Variants in DOCK3 observed in about 807,000 individuals in gnomAD.
DOCK3 encodes dedicator of cytokinesis protein 3.
A neutral mutation model predicts 265.6 loss-of-function variants in DOCK3; 60 were observed. That is an observed-to-expected ratio of 0.23 (90% CI 0.18 to 0.28). DOCK3 has a LOEUF of 0.28. Ranked by LOEUF, DOCK3 falls within the 10% of genes least tolerant of loss-of-function variation. The pLI is 1.00. For missense variants in DOCK3, 1,981 were observed against 2,594.3 expected (o/e 0.76, Z 5.14); for synonymous variants, 881 against 938.0 (o/e 0.94, Z 1.11).
intron 27 of DOCK3, among the ~76,000 whole-genome samples, chr3:51,308,030 C>A (rs2082796361): frequency 6.6e-6 from 1 of 151,678 alleles, no homozygotes. Flanking sequence ...AATAACAATT[C>A]TGGGGGGTCA....
At chr3:51,362,128 A>C (rs1576938934) in intron 48 of DOCK3, 131 bp downstream of exon 48, 2 of 1,205,512 alleles carry the variant, frequency 1.7e-6, no homozygotes, top group Non-Finnish European at 2.3e-6. Flanking sequence ...AACACCCCTC[A>C]CCAGAGCTAG....
intron 1 of DOCK3, among the ~76,000 whole-genome samples, chr3:50,724,463 T>C (rs924282236): frequency 3.9e-5 from 6 of 152,154 alleles, no homozygotes; most frequent in African/African-American, 7.2e-5. Flanking sequence ...AATGATAGAC[T>C]GGATAAAGAA....
At chr3:50,897,250 T>G (rs1056925081) in intron 4 of DOCK3, among the ~76,000 whole-genome samples, 16 of 152,126 alleles carry the variant, frequency 1.1e-4, no homozygotes, top group Non-Finnish European at 2.2e-4. Context: ...TGTAGCAATT[T>G]TGAATGGGAG....
intron 19 of DOCK3, among the ~76,000 whole-genome samples, chr3:51,230,188 T>C (rs1038672512): frequency 6.6e-6 from 1 of 152,226 alleles, no homozygotes; most frequent in African/African-American, 2.4e-5. Flanking sequence ...ATGCATTACA[T>C]GATGCTGAGG....
At chr3:51,366,152 C>T (rs1239331287) in intron 49 of DOCK3, among the ~76,000 whole-genome samples, 1 of 152,142 alleles carries the variant, frequency 6.6e-6, no homozygotes, top group Non-Finnish European at 1.5e-5. Flanking sequence ...TTAATTATTG[C>T]CTCAATTTCA....
chr3:50,764,194 TA>T (rs1287525323), intron 1 of DOCK3, among the ~76,000 whole-genome samples: 1 of 152,174 alleles, frequency 6.6e-6, no homozygotes, highest in Non-Finnish European at 1.5e-5. Context: ...GTCTGTATGC[TA>T]ACATGTATTC....
intron 23 of DOCK3, 103 bp from the exon 24 acceptor site, chr3:51,270,712 C>T: frequency 1.6e-6 from 2 of 1,228,302 alleles, no homozygotes; most frequent in Non-Finnish European, 2.2e-6. Flanking sequence ...AGAGATGCTA[C>T]AGTGCCTTCT....
chr3:50,987,845 T>C (rs557699745), intron 5 of DOCK3, among the ~76,000 whole-genome samples: 1 of 152,286 alleles, frequency 6.6e-6, no homozygotes, highest in East Asian at 1.9e-4. Flanking sequence ...GGAGATCTCC[T>C]TGTGAACCCA....
chr3:51,325,099 A>T (rs994870706), intron 32 of DOCK3, among the ~76,000 whole-genome samples: 4 of 152,224 alleles, frequency 2.6e-5, no homozygotes, highest in Admixed American at 2.6e-4. Flanking sequence ...GCTTCTGCAC[A>T]GCAAAAGAAA....
intron 2 of DOCK3, among the ~76,000 whole-genome samples, chr3:50,835,196 C>T (rs1005394638): frequency 2.6e-5 from 4 of 152,120 alleles, no homozygotes; most frequent in African/African-American, 7.2e-5. Context: ...ATTATTTAAC[C>T]CTTTAATCTA....
At chr3:51,333,133 G>T in intron 34 of DOCK3, 25 bp from the exon 35 acceptor site, 1 of 1,613,958 alleles carries the variant, frequency 6.2e-7, no homozygotes, top group Non-Finnish European at 8.5e-7. Context: ...AATTGTGTTT[G>T]CTTTCTCCAC....
chr3:51,148,666 T>C (rs569520993), intron 10 of DOCK3, among the ~76,000 whole-genome samples: 3 of 152,222 alleles, frequency 2.0e-5, no homozygotes, highest in Non-Finnish European at 2.9e-5. Flanking sequence ...TGTGTGGTGT[T>C]ATTTCTGAGA....
intron 1 of DOCK3, chr3:50,719,693 G>T: frequency 6.6e-7 from 1 of 1,518,180 alleles, no homozygotes; most frequent in Non-Finnish European, 9.1e-7. Flanking sequence ...ACAAGATGCC[G>T]GGACTTGTAT....
At chr3:51,207,233 G>T (rs2089268030) in intron 12 of DOCK3, among the ~76,000 whole-genome samples, 1 of 152,176 alleles carries the variant, frequency 6.6e-6, no homozygotes, top group African/African-American at 2.4e-5. Flanking sequence ...TGAATTGTAT[G>T]TGTTGGGTGG....
chr3:51,357,151 G>A lies in DOCK3; in HGVS notation c.4683+10G>A. ...TGCACGCTATCAGGAGGTAAGCTGT[G>A]GCCACAGGCCAAACCCATGCAGCCA... On this transcript the variant is annotated intron_variant, in intron 44 of 52. Coordinates refer to ENST00000266037, the MANE Select transcript of DOCK3 (RefSeq NM_004947.5). The A allele has an allele frequency of 1.9e-6, 3 of 1,610,094 alleles. No homozygotes were observed. The highest frequency in any genetic ancestry group is 2.5e-6 in the Non-Finnish European group (3 of 1,178,766).
chr3:51,122,437 A>C (rs1433227581), intron 9 of DOCK3, among the ~76,000 whole-genome samples: 1 of 152,238 alleles, frequency 6.6e-6, no homozygotes, highest in Non-Finnish European at 1.5e-5. Context: ...ACGGAGCAAG[A>C]CTTTGTCTCA....
intron 22 of DOCK3, among the ~76,000 whole-genome samples, chr3:51,257,749 CA>C (rs1428476395): frequency 6.6e-6 from 1 of 152,130 alleles, no homozygotes. Context: ...GCTTCAGCCA[CA>C]GTTAAGTGCT....
At chr3:51,089,208 C>T (rs199544679) in intron 7 of DOCK3, 35 bp from the exon 8 acceptor site, 128 of 1,579,712 alleles carry the variant, frequency 8.1e-5, no homozygotes, top group Middle Eastern at 3.3e-4. Flanking sequence ...GTTTCTTTCC[C>T]GGTAGAGTTT....
At chr3:51,294,313 A>G (rs768870501) in intron 27 of DOCK3, among the ~76,000 whole-genome samples, 1 of 152,228 alleles carries the variant, frequency 6.6e-6, no homozygotes, top group Non-Finnish European at 1.5e-5. Flanking sequence ...CCTGGAGGAC[A>G]TTATGTTAAG....
Sources: gnomAD v4.1 joint callset for allele counts (sites outside exome capture counted in the v4.1 genomes callset) on GRCh38, gnomAD v4.1.1 for gene constraint, MANE v1.5 for transcripts, NCBI Gene and HGNC (gene_info 2026-07-23, HGNC 2026-07-21) for gene names.